RTN4: variants seen among roughly 807,000 people sequenced by gnomAD.
The protein encoded by RTN4 is reticulon-4.
In RTN4, 32 loss-of-function variants were observed where a neutral mutation model predicts 90.4. The ratio of observed to expected loss-of-function variants is 0.35; its 90% confidence interval spans 0.27 to 0.48. The LOEUF is 0.48. Ranked by LOEUF, RTN4 falls within the 20% of genes least tolerant of loss-of-function variation. The probability of loss-of-function intolerance (pLI) is 0.99; values close to 1 mark genes in which losing one functional copy is unlikely to be tolerated. For missense variants in RTN4, 1,706 were observed against 1,430.2 expected (o/e 1.19, Z -3.11); for synonymous variants, 629 against 552.5 (o/e 1.14, Z -1.94).
intron 1 of RTN4, chr2:55,049,455 C>T (rs915673751): frequency 1.7e-5 from 8 of 465,710 alleles, no homozygotes; most frequent in Admixed American, 7.6e-5. Flanking sequence ...GGGTGGGTGC[C>T]TAACTTCCGA....
chr2:55,116,727 ACTTAAAAGACCATGCC>A (rs1668132100), upstream of RTN4, among the ~76,000 whole-genome samples: 1 of 152,222 alleles, frequency 6.6e-6, no homozygotes, highest in Non-Finnish European at 1.5e-5. Context: ...GGTTGGTCTG[ACTTAAAAGACCATGCC>A]CTTAACCTCT....
upstream of RTN4, among the ~76,000 whole-genome samples, chr2:55,054,779 TA>T (rs375491438): frequency 6.2e-4 from 95 of 152,302 alleles, no homozygotes; most frequent in East Asian, 0.016. Context: ...CCTTTCTATG[TA>T]AAAAAGACTG....
intron 2 of RTN4, among the ~76,000 whole-genome samples, chr2:55,077,748 A>G (rs2105025340): frequency 9.2e-6 from 1 of 108,180 alleles, no homozygotes; most frequent in African/African-American, 3.7e-5. Flanking sequence ...GATAAAGAAA[A>G]TGTTTTATAC....
intron 3 of RTN4, among the ~76,000 whole-genome samples, chr2:55,006,855 C>A (rs1053292780): frequency 2.6e-5 from 4 of 152,078 alleles, no homozygotes; most frequent in African/African-American, 9.7e-5. Context: ...CTAGAACCTC[C>A]TCATTTTCCC....
At chr2:55,113,553 A>G (rs1383590145), upstream of RTN4, among the ~76,000 whole-genome samples, 1 of 152,198 alleles carries the variant, frequency 6.6e-6, no homozygotes, top group Non-Finnish European at 1.5e-5. Context: ...TTGCTGCAGT[A>G]GCCCTTGTTT....
rs67913720 is a variant in RTN4, at chr2:55,066,197, G to GTT, written c.-63+14291_-63+14292insAA. Among the ~76,000 whole-genome samples the GTT allele has an allele frequency of 2.6e-4, 17 of 64,618 alleles. 1 individual carries two copies. Among genetic ancestry groups the GTT allele is most frequent in the South Asian group, 7.4e-4 (2 of 2,692 alleles). The allele number at this position is 64,618 out of a possible 152,430, so 42.4% of individuals were successfully genotyped here. A position where few individuals can be genotyped will look rare whatever the true frequency, so the allele number is the denominator to read the frequency against. On this transcript the variant is annotated intron_variant, in intron 2 of 3. Transcript: ENST00000427710. ...TGTGTGTGTGTGTGTGTGTGTTTGT[G>GTT]TGTGTGTGTGTGTGTGTGTGTGTGT... is the stretch of plus-strand genomic sequence containing the variant.
rs191189148 is a variant in RTN4, at chr2:54,973,401, G to C, written c.3536+162C>G. 2.0e-5 allele frequency: 15 copies of C among 763,980 alleles called. No homozygotes were observed. The African/African-American group carries it at 2.3e-4, about 12-fold the overall frequency. 47.3% of individuals were successfully genotyped at this position (763,980 alleles called of 1,614,324 possible). A position where few individuals can be genotyped will look rare whatever the true frequency, so the allele number is the denominator to read the frequency against. On this transcript the variant is annotated intron_variant, in intron 8 of 8. Transcript: ENST00000337526. ...TTAAACACATAATAAACCCAGAAACGAATGGTCCAAATGTTAGAAAAACAA... is the reference window on the plus strand; with the variant it reads ...TTAAACACATAATAAACCCAGAAACCAATGGTCCAAATGTTAGAAAAACAA...
At chr2:55,099,713 T>C (rs73936834) in intron 1 of RTN4, among the ~76,000 whole-genome samples, 5,080 of 152,144 alleles carry the variant, frequency 0.033, 270 homozygotes, top group African/African-American at 0.1. Flanking sequence ...CTGCCACATA[T>C]TATGTATGTG....
At chr2:55,119,856 T>C in the RTN4 span, among the ~76,000 whole-genome samples, 4 of 152,170 alleles carry the variant, frequency 2.6e-5, no homozygotes, top group Non-Finnish European at 5.9e-5. Context: ...CCCATAATTA[T>C]GCAGGGGTGG....
intron 1 of RTN4, among the ~76,000 whole-genome samples, chr2:55,047,578 A>G (rs943314908): frequency 6.6e-6 from 1 of 151,508 alleles, no homozygotes; most frequent in Non-Finnish European, 1.5e-5. Flanking sequence ...GAATTGAGAA[A>G]AAAAAAAATC....
At chr2:55,061,587 A>G (rs1227610082) in intron 2 of RTN4, among the ~76,000 whole-genome samples, 2 of 152,182 alleles carry the variant, frequency 1.3e-5, no homozygotes, top group Non-Finnish European at 2.9e-5. Context: ...ATGATACTGC[A>G]ATGTTAAAGA....
chr2:54,980,693 C>G (rs550841182), intron 5 of RTN4, among the ~76,000 whole-genome samples: 101 of 152,280 alleles, frequency 6.6e-4, no homozygotes, highest in African/African-American at 2.4e-3. Context: ...CTCTCTCCCC[C>G]ACCAATCTTT....
chr2:55,084,574 G>T (rs1036375138), intron 1 of RTN4, among the ~76,000 whole-genome samples: 25 of 152,178 alleles, frequency 1.6e-4, no homozygotes, highest in Admixed American at 1.4e-3. Flanking sequence ...TCAGACAAAA[G>T]GTGTGGGTAA....
chr2:55,070,561 A>AG, intron 2 of RTN4, among the ~76,000 whole-genome samples: 1 of 149,928 alleles, frequency 6.7e-6, no homozygotes, highest in African/African-American at 2.4e-5. Flanking sequence ...AAAAAAAAAA[A>AG]AAAAAGAAAG....
intron 3 of RTN4, among the ~76,000 whole-genome samples, chr2:55,006,317 G>T (rs921304703): frequency 3.9e-5 from 6 of 152,110 alleles, no homozygotes; most frequent in Non-Finnish European, 7.4e-5. Context: ...GAACTGAAAG[G>T]AGAGTCGTTC....
intron 3 of RTN4, among the ~76,000 whole-genome samples, chr2:54,994,428 C>T (rs563951165): frequency 6.6e-6 from 1 of 152,192 alleles, no homozygotes; most frequent in African/African-American, 2.4e-5. Flanking sequence ...ATTAAACATA[C>T]GAAAATCAAT....
At chr2:55,122,617 G>T in the RTN4 span, among the ~76,000 whole-genome samples, 5 of 152,204 alleles carry the variant, frequency 3.3e-5, no homozygotes, top group Non-Finnish European at 1.5e-5. Flanking sequence ...TGCACACATG[G>T]GTCAGTCCTA....
chr2:55,034,514 CAAAAT>C (rs2104908361), intron 1 of RTN4, among the ~76,000 whole-genome samples: 1 of 151,972 alleles, frequency 6.6e-6, no homozygotes, highest in Non-Finnish European at 1.5e-5. Context: ...AACGAACAAA[CAAAAT>C]ATATAGAAAA....
At chr2:55,094,971 C>A (rs1416890401) in intron 1 of RTN4, among the ~76,000 whole-genome samples, 2 of 152,134 alleles carry the variant, frequency 1.3e-5, no homozygotes, top group African/African-American at 4.8e-5. Flanking sequence ...CACACAAGTC[C>A]TCCTCTTGTA....
Sources: allele counts gnomAD v4.1 joint callset (sites outside exome capture counted in the v4.1 genomes callset), GRCh38; gene constraint gnomAD v4.1.1; transcripts MANE v1.5; gene names NCBI Gene and HGNC (gene_info 2026-07-23, HGNC 2026-07-21).